ANO4: variants seen among roughly 807,000 people sequenced by gnomAD.
ANO4 encodes the protein anoctamin 4, also known as anoctamin-4.
In ANO4, 69 loss-of-function variants were observed where a neutral mutation model predicts 141.9. That is an observed-to-expected ratio of 0.49 (90% CI 0.40 to 0.59). ANO4 has a LOEUF of 0.59. Ranked by LOEUF, ANO4 falls within the 20% of genes least tolerant of loss-of-function variation. The pLI is 0.00. For missense variants in ANO4, 894 were observed against 1,162.2 expected, an observed-to-expected ratio of 0.77 and a Z score of 3.36; for synonymous variants, 350 against 394.3, an observed-to-expected ratio of 0.89 and a Z score of 1.33.
Position 100,770,673 on chromosome 12 carries a change from G to A in ANO4, c.358+30568G>A, listed in dbSNP as rs11110511. Among the ~76,000 whole-genome samples, 497 of 152,152 alleles carry A rather than the reference G, an allele frequency of 3.3e-3. 2 individuals are homozygous for A. The highest frequency in any genetic ancestry group is 0.011 in the African/African-American group (470 of 41,508). On this transcript the variant is annotated intron_variant, in intron 3 of 29. Transcript: ENST00000644049. ...GAGGACTTGTAGCTGGGACCTCTGAGCTCATATTTAACCCCCTGTTTCTGG... is the reference window on the plus strand; with the variant it reads ...GAGGACTTGTAGCTGGGACCTCTGAACTCATATTTAACCCCCTGTTTCTGG...
chr12:100,890,041 A>G (rs1223192350), intron 1 of ANO4, among the ~76,000 whole-genome samples: 1 of 152,176 alleles, frequency 6.6e-6, no homozygotes. Context: ...TAATATTACT[A>G]TAATCATAAT....
intron 1 of ANO4, among the ~76,000 whole-genome samples, chr12:100,806,542 T>TGTGAGAG: frequency 1.4e-4 from 7 of 51,694 alleles, no homozygotes; most frequent in African/African-American, 6.5e-4. Context: ...TTTTTTTTTT[T>TGTGAGAG]TTTTTTTTTT....
At chr12:101,086,078 G>GGC (rs1241885069) in intron 16 of ANO4, among the ~76,000 whole-genome samples, 1 of 131,094 alleles carries the variant, frequency 7.6e-6, no homozygotes, top group Non-Finnish European at 1.6e-5. Flanking sequence ...GTGTTAACTA[G>GGC]GCTGTGTGTG....
intron 3 of ANO4, among the ~76,000 whole-genome samples, chr12:100,787,338 C>T (rs1352271127): frequency 6.6e-6 from 1 of 152,194 alleles, no homozygotes; most frequent in Non-Finnish European, 1.5e-5. Flanking sequence ...TGGAAAAAGC[C>T]TGTGCCAGGA....
chr12:100,914,032 C>T (rs1192684089), intron 2 of ANO4, among the ~76,000 whole-genome samples: 2 of 152,202 alleles, frequency 1.3e-5, no homozygotes, highest in Non-Finnish European at 2.9e-5. Flanking sequence ...CAAGAGCCCT[C>T]GTCATCACAA....
chr12:100,796,770 C>T (rs1030395869), intron 1 of ANO4, among the ~76,000 whole-genome samples: 1 of 152,146 alleles, frequency 6.6e-6, no homozygotes, highest in African/African-American at 2.4e-5. Flanking sequence ...GCTCTGCTTC[C>T]TCTTTAATTC....
intron 1 of ANO4, among the ~76,000 whole-genome samples, chr12:100,887,382 TTGACTGCCTAGGGTA>T (rs1033250177): frequency 2.6e-5 from 4 of 152,240 alleles, no homozygotes; most frequent in African/African-American, 9.6e-5. Flanking sequence ...GCTATTTTTG[TTGACTGCCTAGGGTA>T]TGATAATATT....
intron 1 of ANO4, among the ~76,000 whole-genome samples, chr12:100,857,944 C>T (rs1026527366): frequency 1.3e-5 from 2 of 151,946 alleles, no homozygotes; most frequent in African/African-American, 2.4e-5. Context: ...CCACTAGAAC[C>T]AGAAAAGAAA....
At chr12:100,768,736 T>C (rs758102174) in intron 3 of ANO4, among the ~76,000 whole-genome samples, 6 of 152,226 alleles carry the variant, frequency 3.9e-5, no homozygotes, top group Non-Finnish European at 7.3e-5. Context: ...TACTAGTATT[T>C]CTGAACAACA....
chr12:100,999,882 TA>T (rs76908168), intron 8 of ANO4, among the ~76,000 whole-genome samples: 3,321 of 129,674 alleles, frequency 0.026, 46 homozygotes, highest in Admixed American at 0.057. Flanking sequence ...CCCTCTCTAC[TA>T]AAAAAAAAAA....
At chr12:100,834,930 G>C (rs963700862) in intron 1 of ANO4, among the ~76,000 whole-genome samples, 6 of 152,140 alleles carry the variant, frequency 3.9e-5, no homozygotes, top group African/African-American at 1.4e-4. Context: ...TTAAGGACCA[G>C]CCTAGAGGTC....
intron 1 of ANO4, among the ~76,000 whole-genome samples, chr12:100,855,121 A>G (rs75810304): frequency 3.9e-5 from 6 of 152,112 alleles, no homozygotes; most frequent in African/African-American, 1.4e-4. Flanking sequence ...CTTTGTTTCT[A>G]TAGCTGGGGC....
chr12:100,982,077 A>G (rs931159573), intron 7 of ANO4, among the ~76,000 whole-genome samples: 1 of 152,228 alleles, frequency 6.6e-6, no homozygotes, highest in African/African-American at 2.4e-5. Context: ...ACCTGAGCTT[A>G]CCATCAGAAC....
chr12:100,740,183 T>G, intron 3 of ANO4: 4 of 679,440 alleles, frequency 5.9e-6, no homozygotes, highest in Non-Finnish European at 1.1e-5. Flanking sequence ...GCTGAATAAA[T>G]TGCATTTGTA....
chr12:100,861,214 C>T (rs2038455492), intron 1 of ANO4, among the ~76,000 whole-genome samples: 1 of 152,180 alleles, frequency 6.6e-6, no homozygotes, highest in Admixed American at 6.5e-5. Context: ...GTGCATTTTA[C>T]AAACCTCTTG....
At chr12:100,933,033 C>T (rs2042143318) in intron 3 of ANO4, among the ~76,000 whole-genome samples, 1 of 152,072 alleles carries the variant, frequency 6.6e-6, no homozygotes, top group African/African-American at 2.4e-5. Context: ...CACAGCCCTT[C>T]CTGGGTCTGA....
At chr12:101,047,513 T>C (rs2047680203) in intron 13 of ANO4, among the ~76,000 whole-genome samples, 1 of 152,144 alleles carries the variant, frequency 6.6e-6, no homozygotes, top group Non-Finnish European at 1.5e-5. Context: ...GAAAAACCTC[T>C]TTATATTTGG....
chr12:100,969,348 C>T (rs1258267279), intron 5 of ANO4, among the ~76,000 whole-genome samples: 1 of 152,130 alleles, frequency 6.6e-6, no homozygotes, highest in Non-Finnish European at 1.5e-5. Flanking sequence ...GCCTGAACTG[C>T]CAGAAAGTTA....
In ANO4 at chr12:101,086,936, G is replaced by A. The variant is rs563081758; in HGVS notation, c.1701+112G>A. The A allele has an allele frequency of 4.8e-5, 60 of 1,242,444 alleles. No individual in the cohort carries two copies. The South Asian group carries it at 8.1e-4, about 17-fold the overall frequency. The allele number at this position is 1,242,444 out of a possible 1,614,324, so 77.0% of individuals were successfully genotyped here. The stretch of plus-strand genomic sequence containing the variant: ...CTCAGAGAGGTGGGCCATTCACATA[G>A]CACTGATGTCCTGGCAGCGAAGTGC... On this transcript the variant is annotated intron_variant, in intron 17 of 27. Transcript: ENST00000392977.
Sources: gnomAD v4.1 joint callset for allele counts (sites outside exome capture counted in the v4.1 genomes callset) on GRCh38, gnomAD v4.1.1 for gene constraint, MANE v1.5 for transcripts, NCBI Gene and HGNC (gene_info 2026-07-23, HGNC 2026-07-21) for gene names.